Variants in IGFBP5 observed in about 807,000 individuals in gnomAD.
IGFBP5 encodes insulin like growth factor binding protein 5.
Under a neutral mutation model 28.0 loss-of-function variants are expected in IGFBP5, and 12 were observed. The ratio of observed to expected loss-of-function variants is 0.43; its 90% CI spans 0.27 to 0.69. The LOEUF is 0.69. IGFBP5 is among the 30% of genes least tolerant of loss of function. The pLI is 0.20. For synonymous variants in IGFBP5, 152 were observed against 150.2 expected, an observed-to-expected ratio of 1.01 and a Z score of -0.09; for missense variants, 344 against 381.6, an observed-to-expected ratio of 0.90 and a Z score of 0.82.
At chr2:216,677,639 A>C (rs1017250520) in intron 3 of IGFBP5, among the ~76,000 whole-genome samples, 1 of 152,134 alleles carries the variant, frequency 6.6e-6, no homozygotes, top group African/African-American at 2.4e-5. Flanking sequence ...CCCCAGGTCT[A>C]CCAATCAGAA....
At chr2:216,683,171 A>G (rs924552247) in intron 1 of IGFBP5, among the ~76,000 whole-genome samples, 2 of 152,178 alleles carry the variant, frequency 1.3e-5, no homozygotes, top group Non-Finnish European at 2.9e-5. Context: ...AAACACAAAA[A>G]TTAGCTGGGC....
intron 1 of IGFBP5, among the ~76,000 whole-genome samples, chr2:216,689,747 G>C (rs1172016408): frequency 6.6e-6 from 1 of 152,174 alleles, no homozygotes; most frequent in African/African-American, 2.4e-5. Context: ...CTAAAACTAG[G>C]ACCTTGACTG....
At position 216,672,612 on chromosome 2, in the gene IGFBP5, T is replaced by C. The variant is rs1688845717; in HGVS notation, c.*4139A>G. 1.3e-5 allele frequency: 2 copies of C among 152,740 alleles called. No individual in the cohort carries two copies. Among genetic ancestry groups the C allele is most frequent in the African/African-American group, 4.8e-5 (2 of 41,428 alleles). 9.5% of individuals were successfully genotyped at this position (152,740 alleles called of 1,614,324 possible). Reference sequence around the variant, plus strand: ...AAGGAATCTTGTCTGACAACTGTGCTATCCATGTGGGCTACGGTGTGACAG... The same window carrying C: ...AAGGAATCTTGTCTGACAACTGTGCCATCCATGTGGGCTACGGTGTGACAG... On this transcript the variant is annotated 3_prime_UTR_variant, in exon 4 of 4. Transcript: ENST00000233813.
intron 1 of IGFBP5, among the ~76,000 whole-genome samples, chr2:216,681,741 T>C (rs904747291): frequency 6.6e-6 from 1 of 152,202 alleles, no homozygotes; most frequent in African/African-American, 2.4e-5. Flanking sequence ...TTTTAGCTTA[T>C]TCTCTCTTTG....
chr2:216,677,625 T>G (rs1246297124), intron 3 of IGFBP5, among the ~76,000 whole-genome samples: 2 of 152,018 alleles, frequency 1.3e-5, no homozygotes, highest in African/African-American at 2.4e-5. Context: ...CACCCCGGAG[T>G]CCACCCCAGG....
intron 1 of IGFBP5, among the ~76,000 whole-genome samples, chr2:216,683,477 T>A (rs1299653164): frequency 6.6e-6 from 1 of 152,212 alleles, no homozygotes; most frequent in Non-Finnish European, 1.5e-5. Flanking sequence ...GCAGGATATA[T>A]TTAAAGAGTC....
rs1177404233 is a variant in IGFBP5 at position 216,672,320 on chromosome 2, G to T, written c.*4431C>A. 62 of 107,850 alleles carry T rather than the reference G, an allele frequency of 5.7e-4. No homozygotes were observed. The highest frequency in any genetic ancestry group is 9.9e-4 in the African/African-American group (25 of 25,126). The allele number at this position is 107,850 out of a possible 1,614,324, so 6.7% of individuals were successfully genotyped here. On this transcript the variant is annotated 3_prime_UTR_variant, in exon 4 of 4. Coordinates refer to ENST00000233813, the MANE Select transcript of IGFBP5 (RefSeq NM_000599.4). ...TTCAGGTGTTTTTTTTTTTTTTTTC[G>T]GCTTTTTTTTTTTTTTCTCACAAAC...
chr2:216,693,101 C>T (rs926302455), intron 1 of IGFBP5, among the ~76,000 whole-genome samples: 4 of 151,812 alleles, frequency 2.6e-5, no homozygotes, highest in East Asian at 1.9e-4. Flanking sequence ...TGGAGAGAAT[C>T]AATAGCCAGT....
intron 3 of IGFBP5, 45 bp from the exon 4 acceptor site, chr2:216,676,927 G>A (rs1688907851): frequency 5.6e-6 from 9 of 1,604,636 alleles, no homozygotes; most frequent in Non-Finnish European, 6.8e-6. Context: ...CCGCACCCCA[G>A]GGCTCTGCTC....
At chr2:216,691,161 G>A (rs1339726024) in intron 1 of IGFBP5, among the ~76,000 whole-genome samples, 1 of 152,168 alleles carries the variant, frequency 6.6e-6, no homozygotes, top group Non-Finnish European at 1.5e-5. Flanking sequence ...TTGAAGCCAG[G>A]GTGATGGAGG....
intron 1 of IGFBP5, among the ~76,000 whole-genome samples, chr2:216,686,619 AAAAT>A (rs996053367): frequency 2.6e-5 from 4 of 151,064 alleles, no homozygotes; most frequent in African/African-American, 9.7e-5. Context: ...CTTGTTTCTA[AAAAT>A]AAATAAATAA....
In IGFBP5 at chr2:216,685,021, C is replaced by T. The variant is rs549579244; in HGVS notation, c.338-5942G>A. ...TACTTAGGCCAGGCATGGTGGCTCA[C>T]GCCTGTAATCCCAGCACTTTGGGAG... On this transcript the variant is annotated intron_variant, in intron 1 of 3. Transcript: ENST00000233813. 3.2e-3 allele frequency among the ~76,000 whole-genome samples: 489 copies of T among 152,100 alleles called. 1 individual carries two copies. The highest frequency in any genetic ancestry group is 4.4e-3 in the Non-Finnish European group (297 of 67,970).
rs1688948397 is a variant in IGFBP5, at chr2:216,679,821, T to C, written c.338-742A>G. On this transcript the variant is annotated intron_variant, in intron 1 of 3. Transcript: ENST00000233813. The surrounding 1 kb of genome is among the most constrained non-coding windows in gnomAD (Gnocchi z 4.6). ...AGAACTGGCGCGGTGCTCGGGGGCC[T>C]GGGAGGCTGGGACGTTACTCAGCTC... Among the ~76,000 whole-genome samples the C allele has an allele frequency of 6.6e-6, 1 of 152,020 alleles. No homozygotes were observed.
At chr2:216,687,890 C>A (rs911414298) in intron 1 of IGFBP5, among the ~76,000 whole-genome samples, 44 of 152,144 alleles carry the variant, frequency 2.9e-4, no homozygotes, top group African/African-American at 1.1e-3. Context: ...TCCTGAGGCC[C>A]CGAAGAAGGT....
rs1688944677 is a variant in IGFBP5 at position 216,679,460 on chromosome 2, G to T, written c.338-381C>A. ...GCAGCGAGCGGTTTGCTTGCTGGGG[G>T]ATGGCCAAGTAGATGGGACATGGCT... On this transcript the variant is annotated intron_variant, in intron 1 of 3. Transcript: ENST00000233813. This position sits in a 1 kb window ranked among gnomAD's most constrained non-coding sequence, Gnocchi z 4.6. Among the ~76,000 whole-genome samples, 1 of 152,118 alleles carries T rather than the reference G, an allele frequency of 6.6e-6. No individual in the cohort carries two copies. Among genetic ancestry groups the T allele is most frequent in the Non-Finnish European group, 1.5e-5 (1 of 68,032 alleles).
intron 1 of IGFBP5, among the ~76,000 whole-genome samples, chr2:216,691,406 C>G (rs1204978326): frequency 8.9e-6 from 1 of 111,928 alleles, no homozygotes; most frequent in African/African-American, 3.2e-5. Flanking sequence ...CATTCCCCAC[C>G]AAAAATGCCC....
Position 216,694,463 on chromosome 2 carries a change from T to C in IGFBP5, c.313A>G (p.Ser105Gly). The change falls in exon 1 of 4, where the codon AGC becomes GGC. Residue 105 changes from serine (S) to glycine (G), a missense_variant. Physicochemically the swap from Ser to Gly is moderately conservative, Grantham distance 56. Transcript: ENST00000233813. This position sits in a 1 kb window ranked among gnomAD's most constrained non-coding sequence, Gnocchi z 5.2. Reference protein sequence around the residue: ...HGRGVCLNEKSYREQVKIERD... With the variant: ...HGRGVCLNEKGYREQVKIERD... Reference sequence around the variant, plus strand: ...CCGATCTTGACTTGCTCGCGGTAGCTCTTTTCGTTGAGGCAAACCCCGCGG... The same window carrying C: ...CCGATCTTGACTTGCTCGCGGTAGCCCTTTTCGTTGAGGCAAACCCCGCGG... The C allele has an allele frequency of 1.9e-6, 3 of 1,580,378 alleles. No individual in the cohort carries two copies. The highest frequency in any genetic ancestry group is 2.6e-6 in the Non-Finnish European group (3 of 1,167,412).
At chr2:216,677,030 C>T (rs1172343026) in intron 3 of IGFBP5, 148 bp from the exon 4 acceptor site, 1 of 778,928 alleles carries the variant, frequency 1.3e-6, no homozygotes, top group African/African-American at 1.8e-5. Context: ...TCTGGTGTCC[C>T]CATTTCACGG....
At chr2:216,693,791 C>G (rs1486046088) in intron 1 of IGFBP5, among the ~76,000 whole-genome samples, 2 of 151,846 alleles carry the variant, frequency 1.3e-5, no homozygotes, top group Non-Finnish European at 2.9e-5. Context: ...AGGCAATCAT[C>G]TTCAATAAAA....
Sources: allele counts gnomAD v4.1 joint callset (sites outside exome capture counted in the v4.1 genomes callset), GRCh38; gene constraint gnomAD v4.1.1; non-coding constraint Gnocchi (gnomAD v3.1); transcripts MANE v1.5; gene names NCBI Gene and HGNC (gene_info 2026-07-23, HGNC 2026-07-21).